Variants in SLK observed in about 807,000 individuals in gnomAD.
The protein encoded by SLK is STE20 like kinase.
SLK carries 67 observed loss-of-function variants against 147.7 expected under a neutral mutation model. The ratio of observed to expected loss-of-function variants is 0.45; its 90% CI spans 0.37 to 0.56. SLK has a LOEUF of 0.56. Ranked by LOEUF, SLK falls within the 20% of genes least tolerant of loss-of-function variation. SLK has a pLI of 0.00. For synonymous variants in SLK, 441 were observed against 475.0 expected (o/e 0.93, Z 0.93); for missense variants, 1,136 against 1,438.8 (o/e 0.79, Z 3.41).
intron 13 of SLK, among the ~76,000 whole-genome samples, chr10:104,012,684 C>G (rs759033129): frequency 9.9e-5 from 15 of 152,134 alleles, no homozygotes; most frequent in Non-Finnish European, 1.9e-4. Context: ...CACACTGATT[C>G]GCTGCACCAT....
chr10:103,978,434 A>G (rs1181270928), intron 1 of SLK, among the ~76,000 whole-genome samples: 1 of 152,166 alleles, frequency 6.6e-6, no homozygotes, highest in African/African-American at 2.4e-5. Flanking sequence ...CTGTTACTGT[A>G]TGAAATGTTG....
At chr10:104,024,667 C>G (rs1844575271) in intron 18 of SLK, among the ~76,000 whole-genome samples, 1 of 152,164 alleles carries the variant, frequency 6.6e-6, no homozygotes, top group Admixed American at 6.5e-5. Flanking sequence ...TATATCCTTC[C>G]TTCTTTTCCT....
At chr10:104,021,762 T>TA in intron 18 of SLK, 29 bp downstream of exon 18, 1 of 1,249,010 alleles carries the variant, frequency 8.0e-7, no homozygotes, top group Non-Finnish European at 1.2e-6. Flanking sequence ...ATTAAAATGA[T>TA]ATGTGTGTAC....
intron 1 of SLK, among the ~76,000 whole-genome samples, chr10:103,986,692 T>C (rs200940931): frequency 0.029 from 3,607 of 124,984 alleles, 58 homozygotes; most frequent in Non-Finnish European, 0.045. Flanking sequence ...TTTTTTTTTT[T>C]CCCTGAGACA....
chr10:104,021,782 T>C lies in SLK; in HGVS notation c.3561+49T>C, dbSNP rs202188109. 394 of 964,038 alleles carry C rather than the reference T, an allele frequency of 4.1e-4. 1 individual carries two copies. Among genetic ancestry groups the C allele is most frequent in the Non-Finnish European group, 6.1e-4 (378 of 615,644 alleles). The allele number at this position is 964,038 out of a possible 1,614,324, so 59.7% of individuals were successfully genotyped here. ...AATGATATGTGTGTACTCGTCCGTC[T>C]ACCCAGCTATTGGCTCTTTACCTAC... On this transcript the variant is annotated intron_variant, in intron 18 of 18. Coordinates refer to ENST00000369755, the MANE Select transcript of SLK (RefSeq NM_014720.4).
Position 103,982,062 on chromosome 10 carries a change from T to G in SLK, c.151-8613T>G, listed in dbSNP as rs185000713. Among the ~76,000 whole-genome samples the G allele has an allele frequency of 3.9e-5, 6 of 152,354 alleles. No individual in the cohort carries two copies. The East Asian group carries it at 1.2e-3, about 29-fold the overall frequency. On this transcript the variant is annotated intron_variant, in intron 1 of 18. Coordinates refer to ENST00000369755, the MANE Select transcript of SLK (RefSeq NM_014720.4). The stretch of plus-strand genomic sequence containing the variant: ...CTCCTTGGTTAAGTTAATTCCCAAG[T>G]GTTTTATTCTCTTTGATGCTATCGT...
chr10:104,006,106 A>T (rs1844322093), intron 11 of SLK, 71 bp downstream of exon 11: 1 of 1,450,166 alleles, frequency 6.9e-7, no homozygotes, highest in Non-Finnish European at 9.4e-7. Flanking sequence ...TTAAAAACAG[A>T]CAAACAAAAA....
At chr10:104,001,058 CAAAAAAAAAAAA>C (rs57046306) in intron 7 of SLK, among the ~76,000 whole-genome samples, 6 of 71,006 alleles carry the variant, frequency 8.4e-5, no homozygotes, top group Admixed American at 3.6e-4. Context: ...GACTCCGTCT[CAAAAAAAAAAAA>C]AAAAAAAAAA....
At chr10:104,016,938 AATTG>A (rs1050687241) in intron 13 of SLK, among the ~76,000 whole-genome samples, 1 of 152,168 alleles carries the variant, frequency 6.6e-6, no homozygotes, top group African/African-American at 2.4e-5. Flanking sequence ...TCCACACAAA[AATTG>A]ATTGAATAGT....
chr10:104,018,706 T>G, intron 14 of SLK, 78 bp from the exon 15 acceptor site: 2 of 1,428,086 alleles, frequency 1.4e-6, no homozygotes, highest in Non-Finnish European at 1.9e-6. Context: ...AATACTTCTA[T>G]GTAAATATTA....
At chr10:104,019,457 A>G (rs1844506166) in intron 15 of SLK, among the ~76,000 whole-genome samples, 1 of 151,960 alleles carries the variant, frequency 6.6e-6, no homozygotes, top group Admixed American at 6.6e-5. Flanking sequence ...TTGTGTGTGG[A>G]GACAGGGTCT....
intron 1 of SLK, among the ~76,000 whole-genome samples, chr10:103,982,323 G>A (rs1275079842): frequency 6.6e-6 from 1 of 152,158 alleles, no homozygotes; most frequent in African/African-American, 2.4e-5. Context: ...CTTGCAATAA[G>A]CAGGAAAACT....
At chr10:103,978,072 T>C (rs1005841120) in intron 1 of SLK, among the ~76,000 whole-genome samples, 14 of 152,204 alleles carry the variant, frequency 9.2e-5, no homozygotes, top group African/African-American at 3.1e-4. Context: ...CTTTGTTTTT[T>C]TCACTTGTCT....
chr10:103,990,942 A>G, intron 2 of SLK, 103 bp downstream of exon 2: 3 of 584,396 alleles, frequency 5.1e-6, no homozygotes, highest in South Asian at 4.9e-5. Flanking sequence ...TATCTCTTCT[A>G]TTTAGTTACT....
intron 1 of SLK, among the ~76,000 whole-genome samples, chr10:103,986,668 G>GTTCTT (rs779274060): frequency 1.0e-5 from 1 of 97,218 alleles, no homozygotes; most frequent in African/African-American, 4.3e-5. Flanking sequence ...TATGTGAAGA[G>GTTCTT]TTTTTTTTTT....
In SLK at chr10:104,027,987, A is replaced by G. The variant is rs925331758; in HGVS notation, c.*2267A>G. On this transcript the variant is annotated 3_prime_UTR_variant, in exon 19 of 19. Transcript: ENST00000369755. ...GTACAGTGATACATATGTAGAGGTA[A>G]AGCATTCATTTTAATACTTAAAGTT... 1 of 152,134 alleles carries G rather than the reference A, an allele frequency of 6.6e-6. No individual in the cohort carries two copies. The highest frequency in any genetic ancestry group is 2.4e-5 in the African/African-American group (1 of 41,410). 9.4% of individuals were successfully genotyped at this position (152,134 alleles called of 1,614,324 possible). A position where few individuals can be genotyped will look rare whatever the true frequency, so the allele number is the denominator to read the frequency against.
At position 104,002,207 on chromosome 10, in the gene SLK, T is replaced by G. The variant is rs1384645075; in HGVS notation, c.1029T>G (p.Leu343=). The G allele has an allele frequency of 6.2e-7, 1 of 1,600,138 alleles. No homozygotes were observed. The highest frequency in any genetic ancestry group is 8.5e-7 in the Non-Finnish European group (1 of 1,173,184). The change falls in exon 9 of 19, where the codon CTT becomes CTG. Residue 343 remains leucine (L), a synonymous_variant. Coordinates refer to ENST00000369755, the MANE Select transcript of SLK (RefSeq NM_014720.4). ...IPASKRASSD[L]SIASSEEDKL... is the part of the protein sequence containing the mutation. ...CAAGTAAGCGTGCATCTTCTGACCT[T>G]AGTATCGCCAGCTCTGAAGAAGATA...
intron 12 of SLK, among the ~76,000 whole-genome samples, chr10:104,009,700 T>C (rs142992788): frequency 1.9e-3 from 294 of 152,230 alleles, no homozygotes; most frequent in African/African-American, 6.8e-3. Flanking sequence ...GTCTCAGTTA[T>C]TGTTTTTGTT....
At position 104,025,975 on chromosome 10, in the gene SLK, A is replaced by G; in HGVS notation, c.*255A>G. The G allele has an allele frequency of 2.8e-6, 1 of 352,704 alleles. No individual in the cohort carries two copies. Among genetic ancestry groups the G allele is most frequent in the Non-Finnish European group, 5.1e-6 (1 of 196,532 alleles). The allele number at this position is 352,704 out of a possible 1,614,324, so 21.8% of individuals were successfully genotyped here. On this transcript the variant is annotated 3_prime_UTR_variant, in exon 19 of 19. Transcript: ENST00000369755. Reference sequence around the variant, plus strand: ...GTGACTTTGTATATTCATCTTAAAAATTATGTTCTTTAGACACTGCTACCT... The same window carrying G: ...GTGACTTTGTATATTCATCTTAAAAGTTATGTTCTTTAGACACTGCTACCT...
Sources: allele counts gnomAD v4.1 joint callset (sites outside exome capture counted in the v4.1 genomes callset), GRCh38; gene constraint gnomAD v4.1.1; transcripts MANE v1.5; gene names NCBI Gene and HGNC (gene_info 2026-07-23, HGNC 2026-07-21).